Variants in LOC400499 observed in about 807,000 individuals in gnomAD.
At chr16:11,425,428 G>A in the LOC400499 span, 2 of 399,112 alleles carry the variant, frequency 5.0e-6, no homozygotes, top group African/African-American at 2.1e-5. Context: ...GTGACACTGA[G>A]GGTGCCTGCA....
the LOC400499 span, among the ~76,000 whole-genome samples, chr16:11,513,424 A>T: frequency 0.016 from 2,398 of 151,518 alleles, 73 homozygotes; most frequent in African/African-American, 0.055. Context: ...AAAAAATTTA[A>T]AAATTTATTT....
the LOC400499 span, chr16:11,407,160 C>G: frequency 2.5e-6 from 1 of 398,802 alleles, no homozygotes; most frequent in Non-Finnish European, 4.4e-6. Context: ...AGAGGCCCCC[C>G]ACCCCAGCGT....
the LOC400499 span, among the ~76,000 whole-genome samples, chr16:11,431,725 G>A: frequency 2.0e-5 from 3 of 152,148 alleles, no homozygotes; most frequent in African/African-American, 7.2e-5. Context: ...TATTGATATT[G>A]ATACTGACAG....
At chr16:11,391,938 G>A in the LOC400499 span, 1 of 755,274 alleles carries the variant, frequency 1.3e-6, no homozygotes, top group South Asian at 6.5e-5. Flanking sequence ...CCTGGTGAGT[G>A]GGGGCTACAA....
chr16:11,397,769 G>GGGAGGGATGGACGGACGGAT, the LOC400499 span, among the ~76,000 whole-genome samples: 1 of 29,452 alleles, frequency 3.4e-5, no homozygotes, highest in African/African-American at 8.4e-5. Flanking sequence ...GAGGGAGGGA[G>GGGAGGGATGGACGGACGGAT]GGATGGAGGG....
chr16:11,405,366 G>A, the LOC400499 span, among the ~76,000 whole-genome samples: 2 of 152,304 alleles, frequency 1.3e-5, no homozygotes, highest in East Asian at 3.9e-4. Context: ...CCAAGACCTG[G>A]TCCTGGCCCT....
At chr16:11,399,739 G>A in the LOC400499 span, 1 of 398,922 alleles carries the variant, frequency 2.5e-6, no homozygotes, top group Admixed American at 4.4e-5. Flanking sequence ...GTCCCAGGCG[G>A]TGCTGTGTGC....
At chr16:11,437,022 A>C in the LOC400499 span, among the ~76,000 whole-genome samples, 1 of 152,232 alleles carries the variant, frequency 6.6e-6, no homozygotes, top group East Asian at 1.9e-4. Flanking sequence ...AAAGACATGG[A>C]GGAAACTTAA....
the LOC400499 span, among the ~76,000 whole-genome samples, chr16:11,408,898 G>A: frequency 6.6e-6 from 1 of 152,020 alleles, no homozygotes; most frequent in Non-Finnish European, 1.5e-5. Context: ...ATGTAAACAG[G>A]AAAATCTAGT....
chr16:11,403,296 C>A, the LOC400499 span, among the ~76,000 whole-genome samples: 1 of 152,204 alleles, frequency 6.6e-6, no homozygotes, highest in Non-Finnish European at 1.5e-5. Context: ...TCTGGGGAGG[C>A]TGACCACATG....
chr16:11,475,828 G>A, the LOC400499 span: 1 of 390,044 alleles, frequency 2.6e-6, no homozygotes, highest in Non-Finnish European at 4.5e-6. Flanking sequence ...CCTGAGCGGG[G>A]CCAGCCTTTG....
the LOC400499 span, among the ~76,000 whole-genome samples, chr16:11,435,349 A>G: frequency 1.3e-5 from 2 of 152,156 alleles, no homozygotes; most frequent in Admixed American, 6.5e-5. Context: ...CCTGAACTCA[A>G]GCAATCCTCC....
chr16:11,440,218 G>A, the LOC400499 span, among the ~76,000 whole-genome samples: 2 of 152,154 alleles, frequency 1.3e-5, no homozygotes, highest in Non-Finnish European at 2.9e-5. Flanking sequence ...AGCCATGAAT[G>A]AGTAAATATA....
chr16:11,393,164 C>CCCCTT, the LOC400499 span, among the ~76,000 whole-genome samples: 45 of 115,122 alleles, frequency 3.9e-4, no homozygotes, highest in African/African-American at 1.1e-3. Flanking sequence ...ACCCCCCCCC[C>CCCCTT]TTTTTTTTAA....
chr16:11,513,485 G>A, the LOC400499 span, among the ~76,000 whole-genome samples: 1 of 151,722 alleles, frequency 6.6e-6, no homozygotes, highest in African/African-American at 2.4e-5. Flanking sequence ...AGGCTGAAGT[G>A]CAGTGGCATG....
chr16:11,513,173 G>C, the LOC400499 span, among the ~76,000 whole-genome samples: 1 of 152,146 alleles, frequency 6.6e-6, no homozygotes, highest in African/African-American at 2.4e-5. Context: ...GGAGGGCGAG[G>C]TGGAAGGATT....
the LOC400499 span, among the ~76,000 whole-genome samples, chr16:11,389,041 CACAGCATTGT>C: frequency 1.3e-5 from 2 of 152,150 alleles, no homozygotes; most frequent in African/African-American, 2.4e-5. Context: ...GAGCTGAGAT[CACAGCATTGT>C]ACTCCAGCCT....
At chr16:11,517,084 G>C in the LOC400499 span, among the ~76,000 whole-genome samples, 86,401 of 152,014 alleles carry the variant, frequency 0.57, 26,915 homozygotes, top group Non-Finnish European at 0.7. Flanking sequence ...CCTCCAGGGA[G>C]TTTCATCCAC....
the LOC400499 span, chr16:11,448,070 G>A: frequency 7.4e-5 from 114 of 1,534,298 alleles, no homozygotes; most frequent in Admixed American, 5.5e-4. Flanking sequence ...TGGGTCTTCC[G>A]GGGCTGCAAC....
Sources: allele counts gnomAD v4.1 joint callset (sites outside exome capture counted in the v4.1 genomes callset), GRCh38; gene constraint gnomAD v4.1.1; transcripts MANE v1.5.